WDR27: variants seen among roughly 807,000 people sequenced by gnomAD.
The protein encoded by WDR27 is WD repeat domain 27.
A neutral mutation model predicts 114.4 loss-of-function variants in WDR27; 100 were observed. That is an observed-to-expected ratio of 0.87 (90% CI 0.74 to 1.03). WDR27 has a LOEUF of 1.03. Among genes scored for constraint, WDR27 ranks in the 50% least tolerant of loss-of-function variants. The probability of loss-of-function intolerance (pLI) is 0.00; values close to 1 mark genes in which losing one functional copy is unlikely to be tolerated. For missense variants in WDR27, 1,129 were observed against 1,092.9 expected (o/e 1.03, Z -0.47); for synonymous variants, 449 against 423.1 (o/e 1.06, Z -0.75).
At chr6:169,623,699 A>G (rs149066979) in intron 21 of WDR27, among the ~76,000 whole-genome samples, 1 of 152,278 alleles carries the variant, frequency 6.6e-6, no homozygotes, top group African/African-American at 2.4e-5. Flanking sequence ...CTGGTCATTT[A>G]CTTATTTATT....
intron 25 of WDR27, among the ~76,000 whole-genome samples, chr6:169,537,147 G>T (rs1796285057): frequency 1.3e-5 from 2 of 152,134 alleles, no homozygotes; most frequent in African/African-American, 4.8e-5. Flanking sequence ...GTGCCCCTTG[G>T]TATTCCTAGT....
intron 16 of WDR27, among the ~76,000 whole-genome samples, chr6:169,646,775 A>AATG (rs1326928044): frequency 1.3e-5 from 2 of 152,042 alleles, no homozygotes; most frequent in Non-Finnish European, 2.9e-5. Flanking sequence ...AAAAGAAAGA[A>AATG]ATGATAGATG....
At chr6:169,487,289 T>C (rs1278026099) in intron 25 of WDR27, among the ~76,000 whole-genome samples, 3 of 152,248 alleles carry the variant, frequency 2.0e-5, no homozygotes, top group Non-Finnish European at 4.4e-5. Flanking sequence ...ACTAGGAACA[T>C]GCCAGAAATA....
chr6:169,512,638 G>A (rs907302455), intron 25 of WDR27, among the ~76,000 whole-genome samples: 23 of 152,250 alleles, frequency 1.5e-4, no homozygotes, highest in African/African-American at 4.8e-4. Flanking sequence ...TTTTAATGAT[G>A]TTATTTAAAG....
At chr6:169,605,126 T>TAAAAAAAAAA (rs1562675972) in intron 22 of WDR27, among the ~76,000 whole-genome samples, 2 of 74,426 alleles carry the variant, frequency 2.7e-5, no homozygotes, top group African/African-American at 1.5e-4. Context: ...AAAAAAAAAG[T>TAAAAAAAAAA]TTTTTTTTTT....
intron 25 of WDR27, among the ~76,000 whole-genome samples, chr6:169,506,039 T>C (rs969780752): frequency 1.1e-4 from 16 of 152,208 alleles, no homozygotes; most frequent in Non-Finnish European, 1.9e-4. Context: ...AGAAGTTAAC[T>C]CTACAGCAGA....
chr6:169,665,252 G>A (rs1044826412), intron 7 of WDR27: 11 of 1,287,828 alleles, frequency 8.5e-6, no homozygotes, highest in Admixed American at 3.8e-5. Context: ...CCAGAACCAC[G>A]CATGGAGCTC....
intron 7 of WDR27, chr6:169,664,680 A>G (rs3934966): frequency 0.2 from 204,056 of 1,016,662 alleles, 22,726 homozygotes; most frequent in African/African-American, 0.43. Context: ...CAAAAGGAAA[A>G]AAAAAATCTA....
At chr6:169,483,838 A>G (rs1788522918) in intron 25 of WDR27, among the ~76,000 whole-genome samples, 1 of 152,090 alleles carries the variant, frequency 6.6e-6, no homozygotes, top group Non-Finnish European at 1.5e-5. Context: ...ACAATCTAGT[A>G]GGCTTCATCC....
Position 169,555,675 on chromosome 6 carries a change from C to T in WDR27, c.2645+16744G>A, listed in dbSNP as rs181277305. 3.6e-4 allele frequency among the ~76,000 whole-genome samples: 54 copies of T among 152,030 alleles called. 1 individual carries two copies. The highest frequency in any genetic ancestry group is 2.6e-4 in the Admixed American group (4 of 15,292). The stretch of plus-strand genomic sequence containing the variant: ...GAGCCTTCACTTTTGTAATGGAGCC[C>T]GTAAGATTACCAAACATTAGGAGAG... On this transcript the variant is annotated intron_variant, in intron 25 of 25. Transcript: ENST00000448612.
At chr6:169,622,457 T>G (rs1183249333) in intron 21 of WDR27, among the ~76,000 whole-genome samples, 1 of 152,168 alleles carries the variant, frequency 6.6e-6, no homozygotes, top group Non-Finnish European at 1.5e-5. Context: ...TTAACTGCTA[T>G]TAGGAACAGG....
intron 22 of WDR27, among the ~76,000 whole-genome samples, chr6:169,612,631 T>TAAAAAAAAAAAAA (rs59134868): frequency 1.0e-5 from 1 of 97,042 alleles, no homozygotes; most frequent in African/African-American, 4.1e-5. Context: ...CTGTCTAACA[T>TAAAAAAAAAAAAA]AAAAAAAAAA....
chr6:169,687,759 C>T (rs1444229962), intron 2 of WDR27, among the ~76,000 whole-genome samples: 9 of 152,190 alleles, frequency 5.9e-5, no homozygotes. Context: ...GCTGTGTGGA[C>T]TCCACATATA....
In WDR27 at chr6:169,612,604, G is replaced by A. The variant is rs1236288536; in HGVS notation, c.2321+955C>T. Among the ~76,000 whole-genome samples the A allele has an allele frequency of 4.8e-5, 7 of 144,388 alleles. No homozygotes were observed. In the East Asian group the frequency reaches 1.3e-3, roughly 27 times the overall value. 94.7% of individuals were successfully genotyped at this position (144,388 alleles called of 152,430 possible). A position where few individuals can be genotyped will look rare whatever the true frequency, so the allele number is the denominator to read the frequency against. ...TCATGTAACACTGCACTCCAGCCTG[G>A]GTGACAGAGCGAGACTCTGTCTAAC... On this transcript the variant is annotated intron_variant, in intron 22 of 25. Coordinates refer to ENST00000448612, the MANE Select transcript of WDR27 (RefSeq NM_182552.5).
chr6:169,521,169 A>T (rs1794330218), intron 25 of WDR27, among the ~76,000 whole-genome samples: 1 of 152,110 alleles, frequency 6.6e-6, no homozygotes, highest in Non-Finnish European at 1.5e-5. Context: ...TGTAAAGGAG[A>T]TCCGATTCAT....
chr6:169,466,772 C>T (rs1003997697), intron 25 of WDR27, among the ~76,000 whole-genome samples: 57 of 152,124 alleles, frequency 3.7e-4, no homozygotes, highest in African/African-American at 1.3e-3. Flanking sequence ...TATTCTGCCC[C>T]GGCTCCTCCC....
rs982770742 is a variant in WDR27, at chr6:169,643,771, A to G, written c.1673T>C (p.Leu558Pro). 3.1e-6 allele frequency: 5 copies of G among 1,613,300 alleles called. No homozygotes were observed. The highest frequency in any genetic ancestry group is 1.3e-5 in the African/African-American group (1 of 74,954). ...CIQYSGDGQW[L>P]ACGLANHLLL... ...CAGATGGTTGGCCAACCCACAGGCC[A>G]GCCACTGCCCATCTCCTGTTAAAAG... Residue 558 changes from leucine to proline, a missense_variant, in exon 17 of 26, where the codon CTG becomes CCG. Transcript: ENST00000448612.
At chr6:169,621,658 T>G (rs192391608) in intron 21 of WDR27, among the ~76,000 whole-genome samples, 12 of 138,352 alleles carry the variant, frequency 8.7e-5, no homozygotes, top group Admixed American at 2.9e-4. Flanking sequence ...ACCCACACAT[T>G]CATTCACGCA....
chr6:169,465,258 C>CAAAAAAAAAAAAAAAAAAAAA (rs56688798), intron 25 of WDR27, among the ~76,000 whole-genome samples: 1 of 101,220 alleles, frequency 9.9e-6, no homozygotes, highest in African/African-American at 4.5e-5. Flanking sequence ...AACTCCATCT[C>CAAAAAAAAAAAAAAAAAAAAA]AAAAAAAAAA....
Sources: allele counts gnomAD v4.1 joint callset (sites outside exome capture counted in the v4.1 genomes callset), GRCh38; gene constraint gnomAD v4.1.1; transcripts MANE v1.5; gene names NCBI Gene and HGNC (gene_info 2026-07-23, HGNC 2026-07-21).